IQCH: variants seen among roughly 807,000 people sequenced by gnomAD.
IQCH encodes the protein IQ motif containing H, also known as IQ domain-containing protein H.
A neutral mutation model predicts 117.0 loss-of-function variants in IQCH; 98 were observed. That is an observed-to-expected ratio of 0.84 (90% CI 0.71 to 0.99). The LOEUF (loss-of-function observed/expected upper bound fraction) is 0.99, where lower values mean the gene tolerates loss of function less well. Ranked by LOEUF, IQCH falls within the 50% of genes least tolerant of loss-of-function variation. The pLI, the probability that IQCH is intolerant of heterozygous loss-of-function variation, is 0.00. For synonymous variants in IQCH, 412 were observed against 448.2 expected (o/e 0.92, Z 1.02); for missense variants, 1,102 against 1,243.8 (o/e 0.89, Z 1.72).
Position 67,307,026 on chromosome 15 carries a change from G to T in IQCH, c.387+27514G>T, listed in dbSNP as rs767252387. The T allele has an allele frequency of 1.5e-4, 199 of 1,336,036 alleles. 1 individual carries two copies. The highest frequency in any genetic ancestry group is 1.7e-4 in the Non-Finnish European group (180 of 1,046,372). The allele number at this position is 1,336,036 out of a possible 1,614,324, so 82.8% of individuals were successfully genotyped here. On this transcript the variant is annotated intron_variant, in intron 4 of 20. Transcript: ENST00000335894. Reference sequence around the variant, plus strand: ...GTATCTGTTAACATGAATTTTAAAAGAACAATTATGAATGCATAACAAAAT... The same window carrying T: ...GTATCTGTTAACATGAATTTTAAAATAACAATTATGAATGCATAACAAAAT...
rs1463472344 is a variant in IQCH, at chr15:67,475,459, C to G, written c.2677-237C>G. Among the ~76,000 whole-genome samples, 1 of 152,078 alleles carries G rather than the reference C, an allele frequency of 6.6e-6. No individual in the cohort carries two copies. The highest frequency in any genetic ancestry group is 1.5e-5 in the Non-Finnish European group (1 of 68,010). ...TGCCACTGCACTCCAGCCTGGGTGA[C>G]AAAGTGAGACCCTGTCTCAAAAAAT... On this transcript the variant is annotated intron_variant, in intron 17 of 20. Transcript: ENST00000335894. The surrounding 1 kb of genome is among the most constrained non-coding windows in gnomAD (Gnocchi z 5.7).
At chr15:67,375,986 C>T (rs1447605348) in intron 10 of IQCH, among the ~76,000 whole-genome samples, 1 of 151,970 alleles carries the variant, frequency 6.6e-6, no homozygotes, top group Non-Finnish European at 1.5e-5. Flanking sequence ...GGGGTTTCAC[C>T]ATGTTGGCCA....
At position 67,390,064 on chromosome 15, in the gene IQCH, C is replaced by G. The variant is rs933416933; in HGVS notation, c.1632+1058C>G. Among the ~76,000 whole-genome samples the G allele has an allele frequency of 3.3e-5, 5 of 152,168 alleles. No individual in the cohort carries two copies. The highest frequency in any genetic ancestry group is 5.9e-5 in the Non-Finnish European group (4 of 68,022). The stretch of plus-strand genomic sequence containing the variant: ...TCAGTATTCCCCTAAAAACCCTCTG[C>G]TCAGTTTTGTTTCATTGGCACTTCT... On this transcript the variant is annotated intron_variant, in intron 12 of 20. Coordinates refer to ENST00000335894, the MANE Select transcript of IQCH (RefSeq NM_001031715.3). The surrounding 1 kb of genome is among the most constrained non-coding windows in gnomAD (Gnocchi z 5.0).
intron 20 of IQCH, among the ~76,000 whole-genome samples, chr15:67,495,055 G>T (rs1456383804): frequency 6.6e-6 from 1 of 152,314 alleles, no homozygotes; most frequent in African/African-American, 2.4e-5. Context: ...TGAACAGCAA[G>T]GTATGAATCT....
At chr15:67,272,406 T>C (rs1318413180) in intron 3 of IQCH, among the ~76,000 whole-genome samples, 1 of 152,188 alleles carries the variant, frequency 6.6e-6, no homozygotes, top group African/African-American at 2.4e-5. Flanking sequence ...TCTATAGCAG[T>C]TGGGTGAAAT....
At chr15:67,281,074 G>A (rs928514493) in intron 4 of IQCH, among the ~76,000 whole-genome samples, 2 of 152,062 alleles carry the variant, frequency 1.3e-5, no homozygotes, top group African/African-American at 2.4e-5. Flanking sequence ...TTGAACTCCC[G>A]ACCTCTTGAT....
chr15:67,461,649 T>G (rs2082797918), intron 16 of IQCH, among the ~76,000 whole-genome samples: 1 of 152,202 alleles, frequency 6.6e-6, no homozygotes, highest in African/African-American at 2.4e-5. Flanking sequence ...AACCAAGGGG[T>G]TAGGGCAGCC....
At chr15:67,348,610 T>C (rs1342058569) in intron 6 of IQCH, among the ~76,000 whole-genome samples, 1 of 152,012 alleles carries the variant, frequency 6.6e-6, no homozygotes, top group East Asian at 1.9e-4. Flanking sequence ...AATGAAAAAA[T>C]TAAAAGAAGA....
At chr15:67,293,508 G>A (rs1007342829) in intron 4 of IQCH, among the ~76,000 whole-genome samples, 1 of 152,062 alleles carries the variant, frequency 6.6e-6, no homozygotes, top group Non-Finnish European at 1.5e-5. Context: ...CCATGTAAAT[G>A]TTCTGTAAAT....
In IQCH at chr15:67,432,868, ACTT is replaced by A. The variant is rs1038653207; in HGVS notation, c.2505+11294_2505+11296del. Among the ~76,000 whole-genome samples, 11 of 152,294 alleles carry A rather than the reference ACTT, an allele frequency of 7.2e-5. No homozygotes were observed. The highest frequency in any genetic ancestry group is 1.7e-4 in the African/African-American group (7 of 41,556). ...ATATTTATTTAATGAATGAATGAAT[ACTT>A]CTCTAAATCCCCCTCTAGTACTCTC... On this transcript the variant is annotated intron_variant, in intron 16 of 20. Coordinates refer to ENST00000335894, the MANE Select transcript of IQCH (RefSeq NM_001031715.3). This position sits in a 1 kb window ranked among gnomAD's most constrained non-coding sequence, Gnocchi z 5.0.
Position 67,388,038 on chromosome 15 carries a change from T to C in IQCH, c.1457-793T>C, listed in dbSNP as rs1971163524. 2.6e-5 allele frequency among the ~76,000 whole-genome samples: 4 copies of C among 152,196 alleles called. No individual in the cohort carries two copies. Among genetic ancestry groups the C allele is most frequent in the Admixed American group, 2.6e-4 (4 of 15,268 alleles). On this transcript the variant is annotated intron_variant, in intron 11 of 20. Transcript: ENST00000335894. The surrounding 1 kb of genome is among the most constrained non-coding windows in gnomAD (Gnocchi z 5.5). ...TTGCCCCTACAGATCAGTCAGCTAT[T>C]TTGTGAATGAATGGATGAACAAATG...
intron 7 of IQCH, among the ~76,000 whole-genome samples, chr15:67,358,800 ACCTGCTCTTCCCAGACT>A (rs1375352799): frequency 6.6e-6 from 1 of 152,234 alleles, no homozygotes; most frequent in Non-Finnish European, 1.5e-5. Context: ...GTAGACTGCT[ACCTGCTCTTCCCAGACT>A]TTTATCTTTC....
intron 4 of IQCH, among the ~76,000 whole-genome samples, chr15:67,315,762 C>A (rs1967816241): frequency 6.6e-6 from 1 of 152,028 alleles, no homozygotes; most frequent in African/African-American, 2.4e-5. Flanking sequence ...CTTTTTGAAT[C>A]TTTTAAGTCA....
chr15:67,364,300 T>A lies in IQCH; in HGVS notation c.753+4415T>A, dbSNP rs1970254815. 6.6e-6 allele frequency among the ~76,000 whole-genome samples: 1 copy of A among 152,170 alleles called. No individual in the cohort carries two copies. On this transcript the variant is annotated intron_variant, in intron 8 of 20. Coordinates refer to ENST00000335894, the MANE Select transcript of IQCH (RefSeq NM_001031715.3). This position sits in a 1 kb window ranked among gnomAD's most constrained non-coding sequence, Gnocchi z 4.1. ...TTGTGGTTTTGATTTGCATGTAGAA[T>A]CTTTTAAAAAGAGTTACCATTTTCT...
chr15:67,397,091 A>C (rs1971495013), intron 13 of IQCH, among the ~76,000 whole-genome samples: 1 of 152,224 alleles, frequency 6.6e-6, no homozygotes. Flanking sequence ...TCACAGCAGA[A>C]TATCTGGCTG....
Position 67,330,078 on chromosome 15 carries a change from C to T in IQCH, c.388-6897C>T, listed in dbSNP as rs898145104. Among the ~76,000 whole-genome samples, 7 of 152,090 alleles carry T rather than the reference C, an allele frequency of 4.6e-5. No individual in the cohort carries two copies. In the South Asian group the frequency reaches 8.3e-4, roughly 18 times the overall value. Reference sequence around the variant, plus strand: ...CATCTTGTGATCTCCGGTGGCTACTCGGCTCCCACCATCATGTCTTTATTT... The same window carrying T: ...CATCTTGTGATCTCCGGTGGCTACTTGGCTCCCACCATCATGTCTTTATTT... On this transcript the variant is annotated intron_variant, in intron 4 of 20. Transcript: ENST00000335894.
intron 18 of IQCH, among the ~76,000 whole-genome samples, chr15:67,483,560 T>A (rs532865211): frequency 1.3e-5 from 2 of 152,288 alleles, no homozygotes; most frequent in East Asian, 3.9e-4. Flanking sequence ...CTAAGGTGAG[T>A]GTCATATTCC....
At chr15:67,434,554 C>T (rs1217814447) in intron 16 of IQCH, among the ~76,000 whole-genome samples, 1 of 152,166 alleles carries the variant, frequency 6.6e-6, no homozygotes, top group Non-Finnish European at 1.5e-5. Flanking sequence ...ATGAATAATG[C>T]TGCAATGGAC....
rs1371062894 is a variant in IQCH at position 67,431,799 on chromosome 15, C to T, written c.2505+10222C>T. 6.6e-6 allele frequency among the ~76,000 whole-genome samples: 1 copy of T among 151,900 alleles called. No homozygotes were observed. Among genetic ancestry groups the T allele is most frequent in the Non-Finnish European group, 1.5e-5 (1 of 67,990 alleles). On this transcript the variant is annotated intron_variant, in intron 16 of 20. Transcript: ENST00000335894. The surrounding 1 kb of genome is among the most constrained non-coding windows in gnomAD (Gnocchi z 4.8). ...AGGAGCATGGTGATCTGGCTTTTAC[C>T]AAATAAAAGCTTCAGGTGATGGAAA...
Sources: gnomAD v4.1 joint callset for allele counts (sites outside exome capture counted in the v4.1 genomes callset) on GRCh38, gnomAD v4.1.1 for gene constraint, Gnocchi (gnomAD v3.1) non-coding constraint, MANE v1.5 for transcripts, NCBI Gene and HGNC (gene_info 2026-07-23, HGNC 2026-07-21) for gene names.